The following MTHFSD variants were observed in gnomAD, a reference collection of about 807,000 sequenced individuals.
MTHFSD encodes the protein methenyltetrahydrofolate synthetase domain containing.
A neutral mutation model predicts 31.1 loss-of-function variants in MTHFSD; 37 were observed. That is an observed-to-expected ratio of 1.19 (90% confidence interval 0.91 to 1.56). The LOEUF is 1.56. MTHFSD is among the 40% of genes most tolerant of loss of function. The pLI, the probability that MTHFSD is intolerant of heterozygous loss-of-function variation, is 0.00. For missense variants in MTHFSD, 664 were observed against 510.1 expected (o/e 1.30, Z -2.91); for synonymous variants, 221 against 206.9 (o/e 1.07, Z -0.59).
chr16:86,552,280 C>T (rs1973270272), intron 2 of MTHFSD, 134 bp from the exon 3 acceptor site: 1 of 1,583,030 alleles, frequency 6.3e-7, no homozygotes, highest in Non-Finnish European at 8.6e-7. Flanking sequence ...TGCTCGGCAG[C>T]ATGAGAAGCG....
intron 7 of MTHFSD, among the ~76,000 whole-genome samples, chr16:86,538,811 G>T (rs753556438): frequency 6.6e-6 from 1 of 152,220 alleles, no homozygotes; most frequent in South Asian, 2.1e-4. Context: ...GGTTCAGGGA[G>T]TCCTGGGTTT....
In MTHFSD at chr16:86,532,068, C is replaced by T. The variant is rs757847802; in HGVS notation, c.1095G>A (p.Leu365=). Residue 365 remains leucine, a synonymous_variant, in exon 8 of 8, where the codon CTG becomes CTA. Coordinates refer to ENST00000360900, the MANE Select transcript of MTHFSD (RefSeq NM_001159377.2). The part of the protein sequence containing the change: ...AQQAVSCLQG[L]RLGTDTLRVA... ...CCCTCAGGGTGTCGGTGCCCAGGCG[C>T]AGGCCCTGCAAGCAGGAGACGGCCT... is the stretch of plus-strand genomic sequence containing the variant. 3 of 1,522,768 alleles carry T rather than the reference C, an allele frequency of 2.0e-6. No homozygotes were observed. The highest frequency in any genetic ancestry group is 4.7e-5 in the East Asian group (2 of 42,518). The allele number at this position is 1,522,768 out of a possible 1,614,324, so 94.3% of individuals were successfully genotyped here. A position where few individuals can be genotyped will look rare whatever the true frequency, so the allele number is the denominator to read the frequency against.
chr16:86,554,651 G>C lies in MTHFSD; in HGVS notation c.117C>G (p.Asn39Lys), dbSNP rs1240485238. The C allele has an allele frequency of 6.2e-7, 1 of 1,612,678 alleles. No homozygotes were observed. The highest frequency in any genetic ancestry group is 8.5e-7 in the Non-Finnish European group (1 of 1,179,100). The change falls in exon 2 of 8, where the codon AAC becomes AAG. Residue 39 changes from asparagine to lysine, a missense_variant. Asn to Lys is a moderately conservative substitution (Grantham distance 94, BLOSUM62 0). Coordinates refer to ENST00000360900, the MANE Select transcript of MTHFSD (RefSeq NM_001159377.2). Reference sequence around the variant, plus strand: ...TCCAGAAATATGTCAGTACCTTAAAGTTGGGTATCCTGTGATGAACAGGTC... The same window carrying C: ...TCCAGAAATATGTCAGTACCTTAAACTTGGGTATCCTGTGATGAACAGGTC... ...FPRPVHHRIP[N>K]FKGSYLACQN...
At position 86,532,306 on chromosome 16, in the gene MTHFSD, T is replaced by A; in HGVS notation, c.857A>T (p.Glu286Val). ...AGGGGCTGCCTCCATGGAATTGGTT[T>A]CTGGTCCGGGTGTGTCCGGGGGCCT... is the stretch of plus-strand genomic sequence containing the variant. ...GRRPPDTPGPETNSMEAAPGS... is the reference protein window; with the variant it reads ...GRRPPDTPGPVTNSMEAAPGS... The change falls in exon 8 of 8, where the codon GAA becomes GTA. Residue 286 changes from glutamate to valine, a missense_variant. By Grantham distance (121) the Glu-to-Val change is moderately radical. Coordinates refer to ENST00000360900, the MANE Select transcript of MTHFSD (RefSeq NM_001159377.2). The A allele has an allele frequency of 6.3e-7, 1 of 1,584,738 alleles. No homozygotes were observed. The highest frequency in any genetic ancestry group is 8.6e-7 in the Non-Finnish European group (1 of 1,167,872).
intron 7 of MTHFSD, among the ~76,000 whole-genome samples, chr16:86,537,571 A>G (rs1970882057): frequency 6.6e-6 from 1 of 152,206 alleles, no homozygotes; most frequent in Admixed American, 6.5e-5. Context: ...CTCTCTAAAC[A>G]TACTGGCCCA....
In MTHFSD at chr16:86,530,238, A is replaced by G. The variant is rs1969878974; in HGVS notation, c.*1773T>C. On this transcript the variant is annotated 3_prime_UTR_variant, in exon 8 of 8. Coordinates refer to ENST00000360900, the MANE Select transcript of MTHFSD (RefSeq NM_001159377.2). ...CTTGCTCTTCAGTTTTTCTTACACG[A>G]TGTTCCACAAATATAAAAATGAGAA... 1 of 152,232 alleles carries G rather than the reference A, an allele frequency of 6.6e-6. No homozygotes were observed. The highest frequency in any genetic ancestry group is 1.5e-5 in the Non-Finnish European group (1 of 68,054). 9.4% of individuals were successfully genotyped at this position (152,232 alleles called of 1,614,324 possible).
intron 7 of MTHFSD, among the ~76,000 whole-genome samples, chr16:86,539,331 T>C (rs1971155188): frequency 6.6e-6 from 1 of 152,120 alleles, no homozygotes; most frequent in Admixed American, 6.5e-5. Flanking sequence ...AGAAGGACCA[T>C]CCTAAGAATT....
chr16:86,532,219 C>CGG lies in MTHFSD; in HGVS notation c.943_944insCC (p.Gly315AlafsTer6). The CGG allele has an allele frequency of 6.3e-7, 1 of 1,582,538 alleles. No individual in the cohort carries two copies. Among genetic ancestry groups the CGG allele is most frequent in the Non-Finnish European group, 8.6e-7 (1 of 1,164,998 alleles). On this transcript the variant is annotated frameshift_variant, in exon 8 of 8. Coordinates refer to ENST00000360900, the MANE Select transcript of MTHFSD (RefSeq NM_001159377.2). LOFTEE classifies it low-confidence loss of function (END_TRUNC). The stretch of plus-strand genomic sequence containing the variant: ...CTTCAGGTCACTCACACGGGCGTCC[C>CGG]CGGGGAGGTTCCCAACGTAAACATC...
At chr16:86,547,169 T>C in intron 4 of MTHFSD, 1 of 986,526 alleles carries the variant, frequency 1.0e-6, no homozygotes. Context: ...ATTTATTCAA[T>C]ATAAAATCCT....
chr16:86,539,875 C>T (rs8054138), intron 7 of MTHFSD, among the ~76,000 whole-genome samples: 37,876 of 151,628 alleles, frequency 0.25, 5,202 homozygotes, highest in Admixed American at 0.35. Flanking sequence ...TAATGCATCC[C>T]AGATATTCCA....
In MTHFSD at chr16:86,542,287, C is replaced by T. The variant is rs1470469494; in HGVS notation, c.443-74G>A. ...TGAGAAGTGGATTTTCCATCAGGTC[C>T]AGTGGAAGAAGAAACTTGAACCCAA... is the stretch of plus-strand genomic sequence containing the variant. On this transcript the variant is annotated intron_variant, in intron 5 of 7. Transcript: ENST00000360900. The surrounding 1 kb of genome is among the most constrained non-coding windows in gnomAD (Gnocchi z 4.6). 3 of 1,284,478 alleles carry T rather than the reference C, an allele frequency of 2.3e-6. No individual in the cohort carries two copies. Among genetic ancestry groups the T allele is most frequent in the Non-Finnish European group, 3.3e-6 (3 of 914,086 alleles). 79.6% of individuals were successfully genotyped at this position (1,284,478 alleles called of 1,614,324 possible). A position where few individuals can be genotyped will look rare whatever the true frequency, so the allele number is the denominator to read the frequency against.
chr16:86,551,981 G>A (rs1567555983), intron 3 of MTHFSD, 52 bp downstream of exon 3: 3 of 1,609,400 alleles, frequency 1.9e-6, no homozygotes, highest in South Asian at 2.2e-5. Flanking sequence ...ACCTGGAAAA[G>A]GTGTCCCCCT....
chr16:86,532,321 T>G lies in MTHFSD; in HGVS notation c.842A>C (p.Asp281Ala). The change falls in exon 8 of 8, where the codon GAC (aspartate) becomes GCC (alanine). Residue 281 changes from aspartate to alanine, a missense_variant. Transcript: ENST00000360900. ...VPLSVGRRPP[D>A]TPGPETNSME... ...GGAATTGGTTTCTGGTCCGGGTGTG[T>G]CCGGGGGCCTCCTGCCAACACTCAG... 6.3e-7 allele frequency: 1 copy of G among 1,594,558 alleles called. No individual in the cohort carries two copies. The highest frequency in any genetic ancestry group is 8.5e-7 in the Non-Finnish European group (1 of 1,171,472).
chr16:86,555,001 G>C, intron 1 of MTHFSD, 168 bp downstream of exon 1: 12 of 1,385,590 alleles, frequency 8.7e-6, no homozygotes, highest in Non-Finnish European at 1.0e-5. Context: ...GGGCGAGAGA[G>C]CCGCTGGTTC....
At chr16:86,535,176 G>A (rs529877608) in intron 7 of MTHFSD, 23 of 919,480 alleles carry the variant, frequency 2.5e-5, no homozygotes, top group Admixed American at 6.5e-5. Flanking sequence ...GCTAACTGGC[G>A]GCCAGGGCAC....
At chr16:86,544,023 G>A (rs540808924) in intron 5 of MTHFSD, among the ~76,000 whole-genome samples, 10 of 152,310 alleles carry the variant, frequency 6.6e-5, no homozygotes, top group Non-Finnish European at 1.0e-4. Flanking sequence ...AGATGGGACC[G>A]TCTAGTTGCA....
chr16:86,546,462 A>T, intron 5 of MTHFSD, 97 bp downstream of exon 5: 1 of 1,053,656 alleles, frequency 9.5e-7, no homozygotes, highest in African/African-American at 1.6e-5. Context: ...TCCAGAAAGC[A>T]GACACCACTG....
rs1183461102 is a variant in MTHFSD, at chr16:86,541,924, C to T, written c.556-102G>A. ...ACGTGAGGCTGGCTAGAGAAGCACC[C>T]CCAAATCCACTCTGGGGCTAAGGCT... On this transcript the variant is annotated intron_variant, in intron 6 of 7. Coordinates refer to ENST00000360900, the MANE Select transcript of MTHFSD (RefSeq NM_001159377.2). The T allele has an allele frequency of 4.6e-6, 7 of 1,508,240 alleles. No homozygotes were observed. In the Admixed American group the frequency reaches 1.1e-4, roughly 23 times the overall value. 93.4% of individuals were successfully genotyped at this position (1,508,240 alleles called of 1,614,324 possible). A position where few individuals can be genotyped will look rare whatever the true frequency, so the allele number is the denominator to read the frequency against.
chr16:86,546,157 A>G (rs933029185), intron 5 of MTHFSD, among the ~76,000 whole-genome samples: 3 of 152,258 alleles, frequency 2.0e-5, no homozygotes, highest in African/African-American at 7.2e-5. Flanking sequence ...CGTGTTGTTC[A>G]AGAGTCTGCT....
Sources: gnomAD v4.1 joint callset for allele counts (sites outside exome capture counted in the v4.1 genomes callset) on GRCh38, gnomAD v4.1.1 for gene constraint, Gnocchi (gnomAD v3.1) non-coding constraint, MANE v1.5 for transcripts, NCBI Gene and HGNC (gene_info 2026-07-23, HGNC 2026-07-21) for gene names.